The following ARHGAP42 variants were observed in gnomAD, a reference collection of about 807,000 sequenced individuals.
The protein encoded by ARHGAP42 is rho GTPase-activating protein 42.
A neutral mutation model predicts 125.0 loss-of-function variants in ARHGAP42; 63 were observed. The observed-to-expected ratio is 0.50, with a 90% CI of 0.41 to 0.62. The LOEUF (loss-of-function observed/expected upper bound fraction) is 0.62, where lower values mean the gene tolerates loss of function less well. Ranked by LOEUF, ARHGAP42 falls within the 20% of genes least tolerant of loss-of-function variation. ARHGAP42 has a pLI of 0.00. For missense variants in ARHGAP42, 766 were observed against 1,024.2 expected, an observed-to-expected ratio of 0.75 and a Z score of 3.44; for synonymous variants, 339 against 351.0, an observed-to-expected ratio of 0.97 and a Z score of 0.38.
chr11:100,792,909 C>T (rs1458049584), intron 2 of ARHGAP42, among the ~76,000 whole-genome samples: 4 of 152,000 alleles, frequency 2.6e-5, no homozygotes, highest in South Asian at 2.1e-4. Context: ...CCCGCCACCA[C>T]GCCCTGCTAA....
intron 4 of ARHGAP42, among the ~76,000 whole-genome samples, chr11:100,873,606 T>A (rs1345601704): frequency 6.6e-6 from 1 of 152,220 alleles, no homozygotes; most frequent in Non-Finnish European, 1.5e-5. Context: ...GTTTTTTGTT[T>A]AATAATAATG....
chr11:100,720,163 C>T lies in ARHGAP42; in HGVS notation c.154+32331C>T, dbSNP rs1159448956. Among the ~76,000 whole-genome samples the T allele has an allele frequency of 4.6e-5, 7 of 152,168 alleles. 1 individual carries two copies. In the South Asian group the frequency reaches 1.2e-3, roughly 27 times the overall value. The stretch of plus-strand genomic sequence containing the variant: ...GAAGGCACACCGTGGTGGTTATTCA[C>T]GTAGATGGCCTGGTGTATGTGAGAT... On this transcript the variant is annotated intron_variant, in intron 1 of 23. Transcript: ENST00000298815.
chr11:100,882,345 G>A (rs1865981533), intron 4 of ARHGAP42, among the ~76,000 whole-genome samples: 1 of 152,128 alleles, frequency 6.6e-6, no homozygotes, highest in African/African-American at 2.4e-5. Context: ...TGTCTATTTA[G>A]ATAATCATGT....
chr11:100,859,802 T>G (rs1176325948), intron 4 of ARHGAP42, 177 bp downstream of exon 4: 1 of 479,768 alleles, frequency 2.1e-6, no homozygotes, highest in Non-Finnish European at 3.6e-6. Context: ...TAAAAGATGT[T>G]ATTATTCTAC....
chr11:100,942,523 G>A (rs1867912571), intron 9 of ARHGAP42, among the ~76,000 whole-genome samples: 1 of 152,158 alleles, frequency 6.6e-6, no homozygotes, highest in South Asian at 2.1e-4. Flanking sequence ...TATGGCAAAT[G>A]ATTGAACTTT....
At position 100,764,693 on chromosome 11, in the gene ARHGAP42, G is replaced by T. The variant is rs535874863; in HGVS notation, c.155-5650G>T. On this transcript the variant is annotated intron_variant, in intron 1 of 23. Coordinates refer to ENST00000298815, the MANE Select transcript of ARHGAP42 (RefSeq NM_152432.4). ...CTTGTAAGAATGTGAAAGGAAAGAA[G>T]GGAGGGTAAAAGACATCCAGGGGCT... is the stretch of plus-strand genomic sequence containing the variant. 5.9e-5 allele frequency among the ~76,000 whole-genome samples: 9 copies of T among 152,300 alleles called. No individual in the cohort carries two copies. The East Asian group carries it at 1.5e-3, about 26-fold the overall frequency.
intron 4 of ARHGAP42, among the ~76,000 whole-genome samples, chr11:100,861,597 A>G (rs1379218512): frequency 1.3e-5 from 2 of 152,198 alleles, no homozygotes; most frequent in Non-Finnish European, 2.9e-5. Flanking sequence ...AAATGACAAC[A>G]GTAAGAAGTG....
intron 17 of ARHGAP42, among the ~76,000 whole-genome samples, chr11:100,971,669 C>T (rs1192514825): frequency 1.3e-5 from 2 of 152,194 alleles, no homozygotes; most frequent in African/African-American, 4.8e-5. Context: ...TTAATATTAA[C>T]TATATTCCAC....
chr11:100,883,132 C>T (rs1245981386), intron 4 of ARHGAP42, among the ~76,000 whole-genome samples: 1 of 152,038 alleles, frequency 6.6e-6, no homozygotes, highest in Non-Finnish European at 1.5e-5. Context: ...TGCTGCTTAT[C>T]CTGGATTCTT....
At chr11:100,965,834 T>C (rs1291211582) in intron 17 of ARHGAP42, 58 bp downstream of exon 17, 11 of 1,420,266 alleles carry the variant, frequency 7.7e-6, no homozygotes, top group Non-Finnish European at 1.1e-5. Flanking sequence ...AGTTTGTTCA[T>C]GTCTTTTTAA....
intron 2 of ARHGAP42, among the ~76,000 whole-genome samples, chr11:100,777,741 A>G (rs994181750): frequency 6.6e-6 from 1 of 152,232 alleles, no homozygotes; most frequent in African/African-American, 2.4e-5. Flanking sequence ...CTTAAAAAAA[A>G]GACCTATTTT....
intron 4 of ARHGAP42, among the ~76,000 whole-genome samples, chr11:100,897,898 AGG>A (rs1866408620): frequency 6.6e-6 from 1 of 152,138 alleles, no homozygotes; most frequent in South Asian, 2.1e-4. Context: ...GTGGTGAGAG[AGG>A]GCATCCTTGT....
intron 10 of ARHGAP42, among the ~76,000 whole-genome samples, chr11:100,948,041 G>T (rs983208834): frequency 6.6e-6 from 1 of 151,964 alleles, no homozygotes; most frequent in Non-Finnish European, 1.5e-5. Context: ...TTTCCACATT[G>T]TTCCATATTA....
chr11:100,771,372 C>T (rs1862973710), intron 2 of ARHGAP42, among the ~76,000 whole-genome samples: 1 of 152,152 alleles, frequency 6.6e-6, no homozygotes, highest in Non-Finnish European at 1.5e-5. Flanking sequence ...ACTCCCTCCA[C>T]CCCCACCTTT....
At chr11:100,983,090 G>A (rs1054985264) in intron 22 of ARHGAP42, among the ~76,000 whole-genome samples, 3 of 152,234 alleles carry the variant, frequency 2.0e-5, no homozygotes, top group South Asian at 2.1e-4. Flanking sequence ...AATCTCATCC[G>A]TGGCAGTGGT....
intron 4 of ARHGAP42, among the ~76,000 whole-genome samples, chr11:100,893,160 T>G (rs1037449142): frequency 6.8e-6 from 1 of 147,344 alleles, no homozygotes; most frequent in Non-Finnish European, 1.5e-5. Flanking sequence ...CATTTAGGGG[T>G]GTGTGTGTGT....
At chr11:100,836,875 T>C (rs909144027) in intron 3 of ARHGAP42, among the ~76,000 whole-genome samples, 90 of 151,976 alleles carry the variant, frequency 5.9e-4, no homozygotes, top group African/African-American at 2.2e-3. Flanking sequence ...TTGAATGTTA[T>C]TGATTACTTT....
At chr11:100,931,701 C>A (rs1240741409) in intron 6 of ARHGAP42, among the ~76,000 whole-genome samples, 1 of 152,116 alleles carries the variant, frequency 6.6e-6, no homozygotes, top group Non-Finnish European at 1.5e-5. Flanking sequence ...CAGAAGACTA[C>A]TGTTTTATAT....
chr11:100,837,668 T>TATTTA lies in ARHGAP42; in HGVS notation c.313-21886_313-21885insATTTA, dbSNP rs753507239. 3.3e-3 allele frequency among the ~76,000 whole-genome samples: 243 copies of TATTTA among 73,154 alleles called. 5 individuals carry two copies. The highest frequency in any genetic ancestry group is 0.011 in the East Asian group (25 of 2,220). The allele number at this position is 73,154 out of a possible 152,430, so 48.0% of individuals were successfully genotyped here. Reference sequence around the variant, plus strand: ...GTTCCCAGAATCTAGGTGTCATCCTTTTTTTTTTTTTTTTTTTTTTTTTTT... The same window carrying TATTTA: ...GTTCCCAGAATCTAGGTGTCATCCTTATTTATTTTTTTTTTTTTTTTTTTTTTTTT... On this transcript the variant is annotated intron_variant, in intron 3 of 23. Transcript: ENST00000298815.
Sources: allele counts gnomAD v4.1 joint callset (sites outside exome capture counted in the v4.1 genomes callset), GRCh38; gene constraint gnomAD v4.1.1; transcripts MANE v1.5; gene names NCBI Gene and HGNC (gene_info 2026-07-23, HGNC 2026-07-21).